The following CFAP20DC variants were observed in gnomAD, a reference collection of about 807,000 sequenced individuals.
CFAP20DC encodes CFAP20 domain containing.
Under a neutral mutation model 101.7 loss-of-function variants are expected in CFAP20DC, and 84 were observed. The observed-to-expected ratio is 0.83, with a 90% CI of 0.69 to 0.99. CFAP20DC has a LOEUF of 0.99. Among genes scored for constraint, CFAP20DC ranks in the 50% least tolerant of loss-of-function variants. The pLI is 0.00. For synonymous variants in CFAP20DC, 359 were observed against 351.2 expected (o/e 1.02, Z -0.25); for missense variants, 1,007 against 970.3 (o/e 1.04, Z -0.50).
intron 4 of CFAP20DC, among the ~76,000 whole-genome samples, chr3:59,022,197 C>T (rs139270335): frequency 1.3e-5 from 2 of 152,014 alleles, no homozygotes; most frequent in East Asian, 3.9e-4. Flanking sequence ...ATTACATGTT[C>T]ACCTTTTTGC....
intron 14 of CFAP20DC, among the ~76,000 whole-genome samples, chr3:58,812,347 C>T (rs1326009571): frequency 6.6e-6 from 1 of 152,138 alleles, no homozygotes; most frequent in Non-Finnish European, 1.5e-5. Context: ...AATTGTGGCA[C>T]ATAAACACCA....
intron 3 of CFAP20DC, 43 bp downstream of exon 3, chr3:59,046,186 T>A: frequency 7.6e-7 from 1 of 1,309,130 alleles, no homozygotes; most frequent in Non-Finnish European, 1.1e-6. Context: ...AGCAGAACTT[T>A]GAGTACAAAA....
intron 4 of CFAP20DC, among the ~76,000 whole-genome samples, chr3:58,947,384 A>T (rs2089504737): frequency 6.6e-6 from 1 of 152,174 alleles, no homozygotes; most frequent in Admixed American, 6.5e-5. Flanking sequence ...ACAAACCTGG[A>T]ATCCATGGGC....
chr3:58,725,172 T>C (rs1013366484), intron 3 of CFAP20DC, among the ~76,000 whole-genome samples: 4 of 152,186 alleles, frequency 2.6e-5, no homozygotes, highest in South Asian at 2.1e-4. Context: ...TTCTACCATG[T>C]CCTTTATGTG....
chr3:58,770,689 T>A (rs1254963203), intron 15 of CFAP20DC, among the ~76,000 whole-genome samples: 1 of 152,168 alleles, frequency 6.6e-6, no homozygotes, highest in Non-Finnish European at 1.5e-5. Flanking sequence ...GATGCTTAGA[T>A]GGCAAACTAA....
chr3:58,890,417 T>C (rs866454775), intron 6 of CFAP20DC, among the ~76,000 whole-genome samples: 1,634 of 99,042 alleles, frequency 0.016, 30 homozygotes, highest in African/African-American at 0.06. Flanking sequence ...CCGGACGGGG[T>C]GGCTGGCCGG....
intron 5 of CFAP20DC, among the ~76,000 whole-genome samples, chr3:58,934,385 C>G (rs574918087): frequency 3.3e-5 from 5 of 152,078 alleles, no homozygotes; most frequent in African/African-American, 1.2e-4. Context: ...CTATTCCAAT[C>G]AATAGAAAAA....
Position 58,866,664 on chromosome 3 carries a change from A to G in CFAP20DC, c.1160T>C (p.Ile387Thr), listed in dbSNP as rs767600711. The change falls in exon 11 of 17, where the codon ATT becomes ACT. Residue 387 changes from isoleucine to threonine, a missense_variant. Ile to Thr is a moderately conservative substitution (Grantham distance 89). Coordinates refer to ENST00000482387, the MANE Select transcript of CFAP20DC (RefSeq NM_001394063.1). ...PSGSSSGNNR[I>T]EDKASTILTT... is the part of the protein sequence containing the mutation. ...GAGGATAGTTGATGCTTTATCTTCA[A>G]TCCTATTATTTCCTGAAGAGCTACC... 3 of 1,588,764 alleles carry G rather than the reference A, an allele frequency of 1.9e-6. No homozygotes were observed. Among genetic ancestry groups the G allele is most frequent in the Non-Finnish European group, 2.6e-6 (3 of 1,157,478 alleles).
chr3:59,049,925 T>C lies in CFAP20DC; in HGVS notation c.-294A>G. The C allele has an allele frequency of 4.9e-6, 2 of 404,928 alleles. No homozygotes were observed. Among genetic ancestry groups the C allele is most frequent in the Non-Finnish European group, 8.8e-6 (2 of 227,494 alleles). 25.1% of individuals were successfully genotyped at this position (404,928 alleles called of 1,614,324 possible). On this transcript the variant is annotated 5_prime_UTR_variant, in exon 1 of 17. Coordinates refer to ENST00000482387, the MANE Select transcript of CFAP20DC (RefSeq NM_001394063.1). Reference sequence around the variant, plus strand: ...GCCGTCCCTGGGGAGTGATTGTGTGTGTAACCTACGTGACGGGGCGCCCAG... The same window carrying C: ...GCCGTCCCTGGGGAGTGATTGTGTGCGTAACCTACGTGACGGGGCGCCCAG...
chr3:58,890,427 G>T (rs1254778316), intron 6 of CFAP20DC, among the ~76,000 whole-genome samples: 1 of 144,912 alleles, frequency 6.9e-6, no homozygotes, highest in Non-Finnish European at 1.5e-5. Flanking sequence ...TGGCTGGCCG[G>T]GCGGGGGGGC....
intron 2 of CFAP20DC, 135 bp from the exon 3 acceptor site, chr3:59,046,457 A>C (rs1699869358): frequency 1.6e-6 from 1 of 619,884 alleles, no homozygotes; most frequent in Non-Finnish European, 2.7e-6. Context: ...AGGCCTTAGT[A>C]CTTTTATTCC....
At chr3:58,842,112 C>A (rs935262700) in intron 13 of CFAP20DC, among the ~76,000 whole-genome samples, 1 of 152,136 alleles carries the variant, frequency 6.6e-6, no homozygotes, top group Non-Finnish European at 1.5e-5. Flanking sequence ...CAGCACTTAG[C>A]AAATCATTTT....
intron 11 of CFAP20DC, among the ~76,000 whole-genome samples, chr3:58,865,833 G>C (rs1019260219): frequency 1.2e-4 from 18 of 152,164 alleles, no homozygotes; most frequent in Non-Finnish European, 2.4e-4. Context: ...AAAGTAAAAG[G>C]AGTGTTTTAC....
At chr3:58,784,047 ATT>A (rs35439333) in intron 15 of CFAP20DC, among the ~76,000 whole-genome samples, 3 of 141,944 alleles carry the variant, frequency 2.1e-5, no homozygotes, top group Non-Finnish European at 4.7e-5. Flanking sequence ...TATTGTTGCC[ATT>A]TTTTTTTTTT....
At chr3:58,840,225 A>C (rs1162179089) in intron 13 of CFAP20DC, among the ~76,000 whole-genome samples, 4 of 152,236 alleles carry the variant, frequency 2.6e-5, no homozygotes, top group Non-Finnish European at 5.9e-5. Flanking sequence ...TGAGACAAGG[A>C]AAGAGTGCAG....
At chr3:58,928,125 T>C (rs1450587472) in intron 5 of CFAP20DC, among the ~76,000 whole-genome samples, 4 of 152,200 alleles carry the variant, frequency 2.6e-5, no homozygotes, top group Non-Finnish European at 5.9e-5. Context: ...TATTGATCAC[T>C]TACTATATGC....
At chr3:58,999,406 C>T (rs1166036082) in intron 4 of CFAP20DC, among the ~76,000 whole-genome samples, 1 of 152,120 alleles carries the variant, frequency 6.6e-6, no homozygotes, top group Non-Finnish European at 1.5e-5. Context: ...AACAGAGGCC[C>T]ACTGAGTAAC....
At chr3:58,946,153 G>A (rs918411948) in intron 4 of CFAP20DC, among the ~76,000 whole-genome samples, 1 of 95,240 alleles carries the variant, frequency 1.0e-5, no homozygotes, top group Non-Finnish European at 2.0e-5. Context: ...GTCTCACTTT[G>A]TCACCCAGGC....
chr3:58,781,273 A>C (rs2071801428), intron 15 of CFAP20DC, among the ~76,000 whole-genome samples: 1 of 151,988 alleles, frequency 6.6e-6, no homozygotes, highest in Admixed American at 6.6e-5. Flanking sequence ...AAACCTATGG[A>C]ATACAGCAAA....
Sources: gnomAD v4.1 joint callset for allele counts (sites outside exome capture counted in the v4.1 genomes callset) on GRCh38, gnomAD v4.1.1 for gene constraint, MANE v1.5 for transcripts, NCBI Gene and HGNC (gene_info 2026-07-23, HGNC 2026-07-21) for gene names.